WDR72: variants seen among roughly 807,000 people sequenced by gnomAD.
WDR72 encodes the protein WD repeat domain 72, also known as WD repeat-containing protein 72.
WDR72 carries 120 observed loss-of-function variants against 124.2 expected under a neutral mutation model. The observed-to-expected ratio is 0.97, with a 90% confidence interval of 0.83 to 1.12. The LOEUF is 1.12. WDR72 is among the 50% of genes most tolerant of loss of function. The pLI is 0.00. For synonymous variants in WDR72, 452 were observed against 441.7 expected, an observed-to-expected ratio of 1.02 and a Z score of -0.29; for missense variants, 1,387 against 1,278.8, an observed-to-expected ratio of 1.08 and a Z score of -1.29.
intron 13 of WDR72, among the ~76,000 whole-genome samples, chr15:53,697,834 A>T (rs2017049334): frequency 6.6e-6 from 1 of 152,188 alleles, no homozygotes; most frequent in Non-Finnish European, 1.5e-5. Context: ...TTTGAGACAG[A>T]GACTCGCTCT....
chr15:53,723,230 A>G (rs943703461), intron 2 of WDR72, among the ~76,000 whole-genome samples: 4 of 152,212 alleles, frequency 2.6e-5, no homozygotes, highest in African/African-American at 9.7e-5. Context: ...ATGTCCCCTC[A>G]ATAATAGTAG....
chr15:53,586,602 A>T (rs915473870), intron 18 of WDR72, among the ~76,000 whole-genome samples: 1 of 152,054 alleles, frequency 6.6e-6, no homozygotes, highest in Non-Finnish European at 1.5e-5. Flanking sequence ...GTTTTCTTTG[A>T]TGACCTTTTT....
chr15:53,709,177 T>A (rs950218986), intron 9 of WDR72, among the ~76,000 whole-genome samples: 4 of 152,200 alleles, frequency 2.6e-5, no homozygotes, highest in African/African-American at 9.6e-5. Flanking sequence ...GACTAAGGAC[T>A]CTTACATTTA....
chr15:53,759,783 A>T (rs1427148895), upstream of WDR72: 4 of 113,896 alleles, frequency 3.5e-5, no homozygotes, highest in African/African-American at 6.9e-5. Context: ...CTCTGGCCCC[A>T]GCCGCCCGCG....
chr15:53,716,740 A>C, intron 3 of WDR72, 55 bp from the exon 4 acceptor site: 1 of 1,386,238 alleles, frequency 7.2e-7, no homozygotes, highest in Non-Finnish European at 1.0e-6. Context: ...ATTGGCTGGA[A>C]TAATTTTTGT....
At chr15:53,593,165 G>T (rs566726003) in intron 18 of WDR72, among the ~76,000 whole-genome samples, 1 of 152,084 alleles carries the variant, frequency 6.6e-6, no homozygotes, top group African/African-American at 2.4e-5. Flanking sequence ...TTATTATGAG[G>T]GTTGAGATGG....
chr15:53,670,353 C>G (rs1185942859), intron 13 of WDR72, among the ~76,000 whole-genome samples: 1 of 152,182 alleles, frequency 6.6e-6, no homozygotes, highest in African/African-American at 2.4e-5. Context: ...ATATAAGAAA[C>G]AGCCAAGATA....
intron 18 of WDR72, among the ~76,000 whole-genome samples, chr15:53,580,745 T>A (rs561379936): frequency 6.6e-6 from 1 of 151,600 alleles, no homozygotes; most frequent in Non-Finnish European, 1.5e-5. Flanking sequence ...AAAGTGGCCA[T>A]GGAAAAAAAA....
At chr15:53,680,097 G>A (rs2016326034) in intron 13 of WDR72, among the ~76,000 whole-genome samples, 1 of 152,076 alleles carries the variant, frequency 6.6e-6, no homozygotes, top group Non-Finnish European at 1.5e-5. Flanking sequence ...GAGAATGTAG[G>A]CCTATACTCC....
chr15:53,629,269 A>T (rs927862579), intron 14 of WDR72, among the ~76,000 whole-genome samples: 59 of 152,150 alleles, frequency 3.9e-4, no homozygotes, highest in African/African-American at 1.3e-3. Flanking sequence ...AAGAGAAAAA[A>T]TTTTTCTCTA....
intron 10 of WDR72, among the ~76,000 whole-genome samples, 190 bp downstream of exon 10, chr15:53,705,737 A>G (rs537818621): frequency 1.3e-5 from 2 of 152,334 alleles, no homozygotes; most frequent in African/African-American, 4.8e-5. Context: ...TGCTAGGATT[A>G]CAGGCATGAG....
chr15:53,540,639 A>C (rs1197794590), intron 18 of WDR72, among the ~76,000 whole-genome samples: 1 of 151,820 alleles, frequency 6.6e-6, no homozygotes, highest in East Asian at 1.9e-4. Context: ...GAACAGGAGG[A>C]GCCAAGATGG....
At chr15:53,642,129 C>A (rs1026911143) in intron 14 of WDR72, among the ~76,000 whole-genome samples, 1 of 151,890 alleles carries the variant, frequency 6.6e-6, no homozygotes, top group Non-Finnish European at 1.5e-5. Flanking sequence ...ATGTGAGTAA[C>A]CACCCTTCTT....
Position 53,628,531 on chromosome 15 carries a change from A to G in WDR72, c.1963-12288T>C, listed in dbSNP as rs74015838. Among the ~76,000 whole-genome samples, 357 of 152,282 alleles carry G rather than the reference A, an allele frequency of 2.3e-3. 5 individuals are homozygous for G. Among genetic ancestry groups the G allele is most frequent in the African/African-American group, 8.4e-3 (348 of 41,562 alleles). On this transcript the variant is annotated intron_variant, in intron 14 of 19. Coordinates refer to ENST00000360509, the MANE Select transcript of WDR72 (RefSeq NM_182758.4). ...CTTGATGCGGAAAATTTTCTGAGAA[A>G]CAAGTCTACAATGTAGATAAATTTA... is the stretch of plus-strand genomic sequence containing the variant.
intron 18 of WDR72, among the ~76,000 whole-genome samples, chr15:53,533,702 T>C (rs1892605943): frequency 6.6e-6 from 1 of 152,158 alleles, no homozygotes; most frequent in African/African-American, 2.4e-5. Flanking sequence ...TAGAGGAGAC[T>C]GCTCACTGTC....
intron 18 of WDR72, among the ~76,000 whole-genome samples, chr15:53,586,121 C>G (rs189654505): frequency 1.3e-5 from 2 of 152,100 alleles, no homozygotes; most frequent in East Asian, 3.9e-4. Context: ...AAGTACATAG[C>G]TTGGGAAACA....
Position 53,577,123 on chromosome 15 carries a change from T to C in WDR72, c.3148+19956A>G, listed in dbSNP as rs1015930300. Reference sequence around the variant, plus strand: ...ACAGCCAGGCTGTTCATGGGTGTGCTACCTGTTCGTATGAAAGAAACTTGG... The same window carrying C: ...ACAGCCAGGCTGTTCATGGGTGTGCCACCTGTTCGTATGAAAGAAACTTGG... On this transcript the variant is annotated intron_variant, in intron 18 of 19. Transcript: ENST00000360509. Among the ~76,000 whole-genome samples the C allele has an allele frequency of 4.6e-5, 7 of 152,270 alleles. No homozygotes were observed. In the East Asian group the frequency reaches 1.4e-3, roughly 30 times the overall value.
In WDR72 at chr15:53,733,136, AG is replaced by A; in HGVS notation, c.13del (p.Leu5CysfsTer20). On this transcript the variant is annotated frameshift_variant, in exon 2 of 20. Transcript: ENST00000360509. LOFTEE classifies it high-confidence loss of function. ...CTGTCCCCAGAGTGCCACTGCCTGCAGGGAAGTCCTCATTTTGGGCGAATCC... is the reference window on the plus strand; with the variant it reads ...CTGTCCCCAGAGTGCCACTGCCTGCAGGAAGTCCTCATTTTGGGCGAATCC... MRTSLQAVALWGQKA... is the reference protein window; with the variant it reads MRTSXQAVALWGQKA... The A allele has an allele frequency of 6.2e-7, 1 of 1,614,048 alleles. No individual in the cohort carries two copies. The highest frequency in any genetic ancestry group is 1.3e-5 in the African/African-American group (1 of 75,022).
At chr15:53,704,046 T>G (rs2017264375) in intron 11 of WDR72, among the ~76,000 whole-genome samples, 1 of 152,174 alleles carries the variant, frequency 6.6e-6, no homozygotes, top group Admixed American at 6.5e-5. Flanking sequence ...TGCCATTTAC[T>G]CCTCCACTTC....
Sources: gnomAD v4.1 joint callset for allele counts (sites outside exome capture counted in the v4.1 genomes callset) on GRCh38, gnomAD v4.1.1 for gene constraint, MANE v1.5 for transcripts, NCBI Gene and HGNC (gene_info 2026-07-23, HGNC 2026-07-21) for gene names.